UGGT2: variants seen among roughly 807,000 people sequenced by gnomAD.
The protein encoded by UGGT2 is UDP-glucose glycoprotein glucosyltransferase 2.
In UGGT2, 180 loss-of-function variants were observed where a neutral mutation model predicts 192.1. The observed-to-expected ratio is 0.94, with a 90% CI of 0.83 to 1.06. The LOEUF is 1.06. UGGT2 is among the 50% of genes least tolerant of loss of function. The probability of loss-of-function intolerance (pLI) is 0.00; values close to 1 mark genes in which losing one functional copy is unlikely to be tolerated. For missense variants in UGGT2, 1,849 were observed against 1,795.7 expected (o/e 1.03, Z -0.54); for synonymous variants, 580 against 591.0 (o/e 0.98, Z 0.27).
chr13:95,802,679 T>TGGACAGTGAGTC (rs1884114731), intron 38 of UGGT2, among the ~76,000 whole-genome samples: 1 of 152,174 alleles, frequency 6.6e-6, no homozygotes, highest in African/African-American at 2.4e-5. Flanking sequence ...CAAACGCCAG[T>TGGACAGTGAGTC]GGACAGTGAG....
intron 35 of UGGT2, among the ~76,000 whole-genome samples, chr13:95,853,976 T>A (rs1889321203): frequency 1.3e-5 from 2 of 152,170 alleles, no homozygotes; most frequent in African/African-American, 2.4e-5. Flanking sequence ...CAAGTTTAAA[T>A]CTTCTGGAGT....
At chr13:95,988,785 T>C (rs2051370215) in intron 8 of UGGT2, among the ~76,000 whole-genome samples, 1 of 152,174 alleles carries the variant, frequency 6.6e-6, no homozygotes, top group Non-Finnish European at 1.5e-5. Flanking sequence ...GTTAAGTGTA[T>C]ATAAAGTTTA....
intron 22 of UGGT2, among the ~76,000 whole-genome samples, chr13:95,897,272 C>A (rs2047972842): frequency 1.3e-5 from 2 of 151,994 alleles, no homozygotes; most frequent in Non-Finnish European, 2.9e-5. Flanking sequence ...AATGGTGCAA[C>A]TGGAATTTGA....
At chr13:95,858,670 C>T (rs776633238) in intron 33 of UGGT2, among the ~76,000 whole-genome samples, 3 of 152,086 alleles carry the variant, frequency 2.0e-5, no homozygotes, top group Admixed American at 6.6e-5. Flanking sequence ...TGTCCTTTTG[C>T]TATAAAAACT....
intron 1 of UGGT2, among the ~76,000 whole-genome samples, chr13:96,036,643 G>A (rs1284849630): frequency 1.3e-5 from 2 of 151,958 alleles, no homozygotes; most frequent in African/African-American, 2.4e-5. Context: ...AACTCTTCTG[G>A]AATCTCAGAG....
intron 37 of UGGT2, among the ~76,000 whole-genome samples, chr13:95,834,758 T>C (rs533704141): frequency 6.6e-6 from 1 of 152,254 alleles, no homozygotes; most frequent in East Asian, 1.9e-4. Flanking sequence ...AGGAATGCCA[T>C]TTCTCAGCTC....
intron 12 of UGGT2, among the ~76,000 whole-genome samples, chr13:95,949,711 C>T (rs1332279037): frequency 6.6e-6 from 1 of 152,042 alleles, no homozygotes; most frequent in Non-Finnish European, 1.5e-5. Context: ...CATATCCCAA[C>T]GTAAAATTGT....
At chr13:95,846,558 G>T (rs1177385958) in intron 36 of UGGT2, among the ~76,000 whole-genome samples, 1 of 152,052 alleles carries the variant, frequency 6.6e-6, no homozygotes, top group Non-Finnish European at 1.5e-5. Context: ...TAATATCTTT[G>T]GTCTTCATGT....
chr13:95,968,439 G>A (rs536517453), intron 12 of UGGT2, among the ~76,000 whole-genome samples: 28 of 152,186 alleles, frequency 1.8e-4, no homozygotes, highest in African/African-American at 6.0e-4. Context: ...CAAATCTTAC[G>A]CTGAATTGTA....
intron 29 of UGGT2, among the ~76,000 whole-genome samples, chr13:95,873,558 C>G (rs1891405460): frequency 6.6e-6 from 1 of 152,190 alleles, no homozygotes; most frequent in Non-Finnish European, 1.5e-5. Context: ...GACCCATGCT[C>G]TATTCCCTTA....
intron 38 of UGGT2, among the ~76,000 whole-genome samples, chr13:95,812,752 C>T (rs993866746): frequency 6.6e-6 from 1 of 151,810 alleles, no homozygotes; most frequent in Non-Finnish European, 1.5e-5. Context: ...GTATACTGTA[C>T]CCACCTTACT....
intron 25 of UGGT2, among the ~76,000 whole-genome samples, chr13:95,888,338 C>T (rs1337485888): frequency 1.3e-5 from 2 of 152,114 alleles, no homozygotes; most frequent in African/African-American, 4.8e-5. Flanking sequence ...CTTACAACAA[C>T]GTTGGTGGTG....
chr13:95,803,034 C>T (rs1259253665), intron 38 of UGGT2, among the ~76,000 whole-genome samples: 5 of 151,872 alleles, frequency 3.3e-5, no homozygotes, highest in African/African-American at 1.2e-4. Flanking sequence ...CGGGGTTTCA[C>T]CGTGTTAGCC....
Position 95,900,848 on chromosome 13 carries a change from T to G in UGGT2, c.2593A>C (p.Lys865Gln). 1 of 1,611,808 alleles carries G rather than the reference T, an allele frequency of 6.2e-7. No homozygotes were observed. Among genetic ancestry groups the G allele is most frequent in the East Asian group, 2.2e-5 (1 of 44,800 alleles). ...THQLFCQDVL[K>Q]LRPGEMGIVS... Reference sequence around the variant, plus strand: ...ATACCCATTTCTCCAGGACGTAATTTAAGTACATCTTGACAGAACAACTGG... The same window carrying G: ...ATACCCATTTCTCCAGGACGTAATTGAAGTACATCTTGACAGAACAACTGG... Residue 865 changes from lysine (K) to glutamine (Q), a missense_variant, in exon 22 of 39, where the codon AAA becomes CAA. By Grantham distance (53) the Lys-to-Gln change is moderately conservative. Transcript: ENST00000376747.
intron 38 of UGGT2, among the ~76,000 whole-genome samples, chr13:95,808,359 T>C (rs1884420405): frequency 6.6e-6 from 1 of 152,206 alleles, no homozygotes. Flanking sequence ...TATCTCTTCC[T>C]GCAAATCCTG....
chr13:95,847,530 A>C (rs1428094968), intron 36 of UGGT2, among the ~76,000 whole-genome samples: 1 of 152,124 alleles, frequency 6.6e-6, no homozygotes, highest in African/African-American at 2.4e-5. Context: ...TTTTTCCAGA[A>C]TGTCATATAG....
intron 38 of UGGT2, among the ~76,000 whole-genome samples, chr13:95,826,793 C>T (rs1295219312): frequency 2.2e-5 from 3 of 139,274 alleles, no homozygotes; most frequent in Admixed American, 2.1e-4. Context: ...TTTCTCTGAC[C>T]ATCCCACACA....
At chr13:95,818,269 T>C (rs1478979651) in intron 38 of UGGT2, among the ~76,000 whole-genome samples, 3 of 152,218 alleles carry the variant, frequency 2.0e-5, no homozygotes, top group Non-Finnish European at 4.4e-5. Flanking sequence ...GCCATGACTA[T>C]GCACTACATG....
At position 95,883,310 on chromosome 13, in the gene UGGT2, G is replaced by C. The variant is rs539132068; in HGVS notation, c.3228+1181C>G. On this transcript the variant is annotated intron_variant, in intron 27 of 38. Coordinates refer to ENST00000376747, the MANE Select transcript of UGGT2 (RefSeq NM_020121.4). ...TGTTTATGCTTCAGTCAAGGCAATG[G>C]CTATATTCTACAGGAGGTATCAGAC... is the stretch of plus-strand genomic sequence containing the variant. 3.9e-5 allele frequency among the ~76,000 whole-genome samples: 6 copies of C among 152,294 alleles called. No individual in the cohort carries two copies. In the South Asian group the frequency reaches 1.2e-3, roughly 32 times the overall value.
Sources: allele counts gnomAD v4.1 joint callset (sites outside exome capture counted in the v4.1 genomes callset), GRCh38; gene constraint gnomAD v4.1.1; transcripts MANE v1.5; gene names NCBI Gene and HGNC (gene_info 2026-07-23, HGNC 2026-07-21).